Variants in TTC19 observed in about 807,000 individuals in gnomAD.
TTC19 encodes the protein tetratricopeptide repeat domain 19, also known as tetratricopeptide repeat protein 19, mitochondrial.
Under a neutral mutation model 49.5 loss-of-function variants are expected in TTC19, and 38 were observed. The observed-to-expected ratio is 0.77, with a 90% CI of 0.59 to 1.01. TTC19 has a LOEUF of 1.01. TTC19 is among the 50% of genes least tolerant of loss of function. The pLI, the probability that TTC19 is intolerant of heterozygous loss-of-function variation, is 0.00. For missense variants in TTC19, 475 were observed against 477.7 expected (o/e 0.99, Z 0.05); for synonymous variants, 204 against 185.2 (o/e 1.10, Z -0.83).
At chr17:16,032,263 C>A, downstream of TTC19, 1 of 1,560,960 alleles carries the variant, frequency 6.4e-7, no homozygotes. Flanking sequence ...AGAGATCCCT[C>A]TCCTGCACCC....
rs1234841057 is a variant in TTC19, at chr17:16,000,046, G to C, written c.184+14G>C. The stretch of plus-strand genomic sequence containing the variant: ...CGCTGCTGGCAGGTGAGGGGCGCGG[G>C]CCGGGCGGGGCCGGCCGGGCGGGGA... On this transcript the variant is annotated intron_variant, in intron 1 of 9. Coordinates refer to ENST00000261647, the MANE Select transcript of TTC19 (RefSeq NM_017775.4). 7.9e-7 allele frequency: 1 copy of C among 1,265,476 alleles called. No homozygotes were observed. Among genetic ancestry groups the C allele is most frequent in the East Asian group, 3.4e-5 (1 of 29,014 alleles). 78.4% of individuals were successfully genotyped at this position (1,265,476 alleles called of 1,614,324 possible).
chr17:16,033,912 T>C (rs1223096876), downstream of TTC19, among the ~76,000 whole-genome samples: 1 of 151,682 alleles, frequency 6.6e-6, no homozygotes, highest in Non-Finnish European at 1.5e-5. Flanking sequence ...TTCAAGTGAT[T>C]CTCCCACCTC....
chr17:16,025,244 T>G, intron 8 of TTC19, 73 bp downstream of exon 8: 1 of 1,487,306 alleles, frequency 6.7e-7, no homozygotes. Flanking sequence ...AATGTCACAC[T>G]CATTGGTAAC....
At chr17:16,031,193 G>C (rs1381733077), downstream of TTC19, 2 of 199,458 alleles carry the variant, frequency 1.0e-5, no homozygotes, top group East Asian at 7.8e-5. Flanking sequence ...GGAGCAAAGT[G>C]AGAGTAAATG....
chr17:16,004,502 T>C (rs1432645843), intron 6 of TTC19, among the ~76,000 whole-genome samples: 1 of 152,170 alleles, frequency 6.6e-6, no homozygotes, highest in Admixed American at 6.5e-5. Context: ...ACTAACTAAG[T>C]TTTCTGTTGC....
chr17:16,007,439 AGTTTTTT>A (rs79731557), intron 7 of TTC19, among the ~76,000 whole-genome samples: 55,560 of 151,338 alleles, frequency 0.37, 12,976 homozygotes, highest in Middle Eastern at 0.52. Flanking sequence ...CTCAGCATAC[AGTTTTTT>A]GTTTTTTGTT....
chr17:16,003,713 T>G, intron 4 of TTC19, 118 bp from the exon 5 acceptor site: 1 of 878,942 alleles, frequency 1.1e-6, no homozygotes, highest in Non-Finnish European at 1.8e-6. Context: ...TGCGTGTGTG[T>G]GGGTATATGG....
At chr17:16,006,274 G>A (rs1399121404) in intron 6 of TTC19, among the ~76,000 whole-genome samples, 200 bp from the exon 7 acceptor site, 1 of 152,160 alleles carries the variant, frequency 6.6e-6, no homozygotes, top group African/African-American at 2.4e-5. Flanking sequence ...GCTGGGCATA[G>A]TGGCGGGCAC....
chr17:16,033,998 A>AT (rs1224433010), downstream of TTC19, among the ~76,000 whole-genome samples: 2 of 152,138 alleles, frequency 1.3e-5, no homozygotes, highest in African/African-American at 4.8e-5. Flanking sequence ...GCCCAGCTAG[A>AT]TGATGGCTTT....
At chr17:16,011,408 G>A (rs1053084948) in intron 7 of TTC19, among the ~76,000 whole-genome samples, 2 of 152,220 alleles carry the variant, frequency 1.3e-5, no homozygotes, top group Admixed American at 1.3e-4. Flanking sequence ...TCCTGACTTA[G>A]GTGATCCACC....
At chr17:16,011,030 G>T (rs2151658779) in intron 7 of TTC19, among the ~76,000 whole-genome samples, 1 of 152,108 alleles carries the variant, frequency 6.6e-6, no homozygotes, top group South Asian at 2.1e-4. Context: ...TTTTTTTGTG[G>T]CTCCGTTTGT....
intron 7 of TTC19, among the ~76,000 whole-genome samples, chr17:16,020,869 G>A (rs1181229563): frequency 6.6e-6 from 1 of 152,060 alleles, no homozygotes; most frequent in Non-Finnish European, 1.5e-5. Flanking sequence ...GTGGGGGAGA[G>A]TAGAGATGAG....
intron 2 of TTC19, chr17:16,039,569 T>A (rs1306925410): frequency 1.2e-6 from 2 of 1,614,174 alleles, no homozygotes; most frequent in Non-Finnish European, 1.7e-6. Flanking sequence ...CATCAAAGCT[T>A]CCCATGAGAG....
chr17:16,032,371 C>T, downstream of TTC19: 1 of 1,614,132 alleles, frequency 6.2e-7, no homozygotes, highest in Non-Finnish European at 8.5e-7. Context: ...AGATCCTGTT[C>T]TGTTGGTGAG....
chr17:16,011,697 T>C (rs899812492), intron 7 of TTC19, among the ~76,000 whole-genome samples: 1 of 152,214 alleles, frequency 6.6e-6, no homozygotes, highest in Admixed American at 6.5e-5. Context: ...TTGAAAGGAC[T>C]GTGTTAATTT....
intron 3 of TTC19, among the ~76,000 whole-genome samples, chr17:16,002,468 C>A (rs1471933430): frequency 1.3e-5 from 2 of 152,142 alleles, no homozygotes; most frequent in African/African-American, 4.8e-5. Context: ...TGAGCCACCA[C>A]GCCCGGCCAC....
chr17:16,033,919 C>T (rs1224913593), downstream of TTC19, among the ~76,000 whole-genome samples: 1 of 151,740 alleles, frequency 6.6e-6, no homozygotes, highest in Non-Finnish European at 1.5e-5. Context: ...GATTCTCCCA[C>T]CTCTGACCTC....
exon 3 of TTC19, chr17:16,044,911 A>G (rs2058405367): frequency 2.9e-6 from 2 of 696,938 alleles, no homozygotes; most frequent in Non-Finnish European, 5.1e-6. Flanking sequence ...GCAAACAAAG[A>G]AGAATCTGAG....
intron 7 of TTC19, chr17:16,024,406 C>A (rs1334741877): frequency 6.5e-6 from 1 of 153,388 alleles, no homozygotes; most frequent in African/African-American, 2.4e-5. Context: ...CGCCATTCCC[C>A]TGCCTCAGCC....
Sources: gnomAD v4.1 joint callset for allele counts (sites outside exome capture counted in the v4.1 genomes callset) on GRCh38, gnomAD v4.1.1 for gene constraint, MANE v1.5 for transcripts, NCBI Gene and HGNC (gene_info 2026-07-23, HGNC 2026-07-21) for gene names.